B3GLCT: variants seen among roughly 807,000 people sequenced by gnomAD.
B3GLCT encodes the protein beta 3-glucosyltransferase.
B3GLCT carries 65 observed loss-of-function variants against 63.4 expected under a neutral mutation model. That is an observed-to-expected ratio of 1.03 (90% confidence interval 0.84 to 1.26). The LOEUF is 1.26. Ranked by LOEUF, B3GLCT falls within the 50% of genes most tolerant of loss-of-function variation. B3GLCT has a pLI of 0.00. For synonymous variants in B3GLCT, 233 were observed against 219.2 expected (o/e 1.06, Z -0.55); for missense variants, 577 against 604.8 (o/e 0.95, Z 0.48).
In B3GLCT at chr13:31,246,952, T is replaced by G; in HGVS notation, c.271-71T>G. ...TTCTTTTTTCTTTTCTTTTCTTTTC[T>G]TTTTTTTTTTTTTTACTTTTTTTCG... On this transcript the variant is annotated intron_variant, in intron 4 of 14. Coordinates refer to ENST00000343307, the MANE Select transcript of B3GLCT (RefSeq NM_194318.4). 29 of 371,986 alleles carry G rather than the reference T, an allele frequency of 7.8e-5. No individual in the cohort carries two copies. In the East Asian group the frequency reaches 1.3e-3, roughly 17 times the overall value. 23.0% of individuals were successfully genotyped at this position (371,986 alleles called of 1,614,324 possible).
chr13:31,286,606 G>A (rs1203674321), intron 11 of B3GLCT, 114 bp from the exon 12 acceptor site: 1 of 720,646 alleles, frequency 1.4e-6, no homozygotes, highest in African/African-American at 1.8e-5. Context: ...GAACTTTTAA[G>A]CTGCATTTTG....
At chr13:31,227,379 G>T (rs977715294) in intron 3 of B3GLCT, among the ~76,000 whole-genome samples, 1 of 152,024 alleles carries the variant, frequency 6.6e-6, no homozygotes, top group Non-Finnish European at 1.5e-5. Flanking sequence ...TTAACAAAAA[G>T]AAATCCTTAT....
Position 31,286,741 on chromosome 13 carries a change from C to A in B3GLCT, c.986C>A (p.Ala329Asp), listed in dbSNP as rs751007740. 8 of 1,612,380 alleles carry A rather than the reference C, an allele frequency of 5.0e-6. No individual in the cohort carries two copies. Among genetic ancestry groups the A allele is most frequent in the Non-Finnish European group, 6.8e-6 (8 of 1,178,838 alleles). The change falls in exon 12 of 15, where the codon GCC (alanine) becomes GAC (aspartate). Residue 329 changes from alanine (A) to aspartate (D), a missense_variant. Ala to Asp is a moderately radical substitution (Grantham distance 126). Transcript: ENST00000343307. ...CTAGGTCATTGTGGAAAGACATTTG[C>A]CATTTTGGAAAGATTTCTGAATCGT... ...TDRGHCGKTF[A>D]ILERFLNRSQ...
At chr13:31,208,632 G>A (rs1353480387) in intron 1 of B3GLCT, among the ~76,000 whole-genome samples, 6 of 30,640 alleles carry the variant, frequency 2.0e-4, no homozygotes, top group Non-Finnish European at 4.0e-4. Flanking sequence ...CCCCCCCCCC[G>A]CTCACTGCCA....
At chr13:31,289,237 G>A (rs554532780) in intron 12 of B3GLCT, among the ~76,000 whole-genome samples, 7 of 152,150 alleles carry the variant, frequency 4.6e-5, no homozygotes, top group African/African-American at 1.2e-4. Context: ...CAGCCCTCAA[G>A]ATGTCTAGGA....
intron 3 of B3GLCT, among the ~76,000 whole-genome samples, chr13:31,223,625 T>TA (rs1371681515): frequency 2.0e-5 from 3 of 151,804 alleles, no homozygotes; most frequent in Admixed American, 6.6e-5. Flanking sequence ...AGTTAGACTT[T>TA]AAAAAAAAAT....
At chr13:31,214,970 A>C in intron 1 of B3GLCT, 81 bp from the exon 2 acceptor site, 1 of 1,336,034 alleles carries the variant, frequency 7.5e-7, no homozygotes, top group Non-Finnish European at 1.0e-6. Flanking sequence ...TTTTTTTATT[A>C]TAAGCAAAAC....
intron 2 of B3GLCT, among the ~76,000 whole-genome samples, chr13:31,219,176 A>G (rs1869701539): frequency 6.6e-6 from 1 of 152,184 alleles, no homozygotes; most frequent in Non-Finnish European, 1.5e-5. Context: ...TCCCTGATGA[A>G]CATAGATGTA....
intron 3 of B3GLCT, among the ~76,000 whole-genome samples, chr13:31,228,248 C>T (rs1160477191): frequency 6.6e-6 from 1 of 152,156 alleles, no homozygotes; most frequent in East Asian, 1.9e-4. Context: ...CTAATCCTGG[C>T]TAGGTGCCTT....
At chr13:31,220,782 T>C (rs972375840) in intron 2 of B3GLCT, among the ~76,000 whole-genome samples, 5 of 152,218 alleles carry the variant, frequency 3.3e-5, no homozygotes, top group Non-Finnish European at 7.3e-5. Context: ...AAGAGAAAGA[T>C]GTATCATTTT....
chr13:31,220,537 C>CTAAG (rs1448709897), intron 2 of B3GLCT, among the ~76,000 whole-genome samples: 1 of 152,156 alleles, frequency 6.6e-6, no homozygotes, highest in Admixed American at 6.5e-5. Context: ...TTAGGAAGAA[C>CTAAG]TAAGTCTTTT....
intron 7 of B3GLCT, 31 bp downstream of exon 7, chr13:31,261,113 C>A: frequency 1.3e-6 from 2 of 1,519,916 alleles, no homozygotes; most frequent in Non-Finnish European, 1.8e-6. Flanking sequence ...TTTCGGGGGG[C>A]GGGAGGGGTG....
At chr13:31,227,529 T>C (rs546814215) in intron 3 of B3GLCT, among the ~76,000 whole-genome samples, 6 of 152,314 alleles carry the variant, frequency 3.9e-5, no homozygotes, top group South Asian at 4.1e-4. Flanking sequence ...TGGTTTAAAA[T>C]AGAGACAGGT....
intron 14 of B3GLCT, among the ~76,000 whole-genome samples, chr13:31,328,692 C>CAAAAA (rs34729471): frequency 1.8e-4 from 8 of 45,428 alleles, no homozygotes; most frequent in African/African-American, 6.8e-4. Context: ...AACTCCATCT[C>CAAAAA]AAAAAAAAAA....
chr13:31,279,044 A>T (rs897514358), intron 10 of B3GLCT, among the ~76,000 whole-genome samples: 1 of 152,204 alleles, frequency 6.6e-6, no homozygotes, highest in Non-Finnish European at 1.5e-5. Context: ...TGGATGTATT[A>T]CAAACTCCAT....
rs546758148 is a variant in B3GLCT, at chr13:31,288,238, A to T, written c.1064+1419A>T. Among the ~76,000 whole-genome samples, 3 of 152,272 alleles carry T rather than the reference A, an allele frequency of 2.0e-5. No homozygotes were observed. The South Asian group carries it at 6.2e-4, about 32-fold the overall frequency. ...CTGCCCCACTCTAGGCAGCTGTGGA[A>T]TTGAGGACTAGCATGCTTAACCCAT... On this transcript the variant is annotated intron_variant, in intron 12 of 14. Coordinates refer to ENST00000343307, the MANE Select transcript of B3GLCT (RefSeq NM_194318.4).
chr13:31,328,438 A>G (rs1875742605), intron 14 of B3GLCT, among the ~76,000 whole-genome samples: 2 of 152,156 alleles, frequency 1.3e-5, no homozygotes, highest in Admixed American at 1.3e-4. Flanking sequence ...TCACGCCTGC[A>G]ACCTCAGCAC....
At chr13:31,208,972 C>T (rs978285452) in intron 1 of B3GLCT, among the ~76,000 whole-genome samples, 3 of 152,164 alleles carry the variant, frequency 2.0e-5, no homozygotes, top group Non-Finnish European at 4.4e-5. Flanking sequence ...GGGTCACCCC[C>T]TCCCCTCAAG....
intron 12 of B3GLCT, among the ~76,000 whole-genome samples, chr13:31,300,946 A>G (rs1244364403): frequency 1.3e-5 from 2 of 152,172 alleles, no homozygotes; most frequent in African/African-American, 4.8e-5. Context: ...GACTGTTAGC[A>G]TCCTTCCTTC....
Sources: allele counts gnomAD v4.1 joint callset (sites outside exome capture counted in the v4.1 genomes callset), GRCh38; gene constraint gnomAD v4.1.1; transcripts MANE v1.5; gene names NCBI Gene and HGNC (gene_info 2026-07-23, HGNC 2026-07-21).